TRIM29: variants seen among roughly 807,000 people sequenced by gnomAD.
TRIM29 encodes the protein tripartite motif-containing protein 29.
TRIM29 carries 52 observed loss-of-function variants against 57.3 expected under a neutral mutation model. That is an observed-to-expected ratio of 0.91 (90% CI 0.73 to 1.14). The LOEUF is 1.14. TRIM29 is among the 50% of genes most tolerant of loss of function. TRIM29 has a pLI of 0.00. For missense variants in TRIM29, 753 were observed against 774.6 expected, an observed-to-expected ratio of 0.97 and a Z score of 0.33; for synonymous variants, 319 against 316.9, an observed-to-expected ratio of 1.01 and a Z score of -0.07.
Position 120,125,792 on chromosome 11 carries a change from T to G in TRIM29, c.1232A>C (p.Asn411Thr). Residue 411 changes from asparagine to threonine, a missense_variant, in exon 4 of 9, where the codon AAC (asparagine) becomes ACC (threonine). Transcript: ENST00000341846. ...EGEGLGQSLG[N>T]FKDDLLNVCM... Reference sequence around the variant, plus strand: ...TACATTGAGCAGGTCGTCCTTGAAGTTGCCTAGTGACTGTCCCAGGCCCTC... The same window carrying G: ...TACATTGAGCAGGTCGTCCTTGAAGGTGCCTAGTGACTGTCCCAGGCCCTC... 1 of 1,614,158 alleles carries G rather than the reference T, an allele frequency of 6.2e-7. No homozygotes were observed. Among genetic ancestry groups the G allele is most frequent in the Non-Finnish European group, 8.5e-7 (1 of 1,180,026 alleles).
Position 120,128,409 on chromosome 11 carries a change from G to T in TRIM29, c.891C>A (p.Asp297Glu). ...DEAEKWQKEK[D>E]RIKSFTTNEK... The stretch of plus-strand genomic sequence containing the variant: ...CTTGGGGGCTGCTCACCTTGATGCG[G>T]TCCTTCTCCTTCTGCCACTTCTCAG... The change falls in exon 2 of 9, where the codon GAC becomes GAA. Residue 297 changes from aspartate to glutamate, a missense_variant. By Grantham distance (45) the Asp-to-Glu change is conservative. Coordinates refer to ENST00000341846, the MANE Select transcript of TRIM29 (RefSeq NM_012101.4). 1.2e-6 allele frequency: 2 copies of T among 1,611,908 alleles called. No homozygotes were observed. The highest frequency in any genetic ancestry group is 2.2e-5 in the East Asian group (1 of 44,882).
chr11:120,120,687 C>A (rs1863421476), intron 5 of TRIM29, 22 bp from the exon 6 acceptor site: 1 of 1,610,544 alleles, frequency 6.2e-7, no homozygotes, highest in Non-Finnish European at 8.5e-7. Flanking sequence ...ATGAAGGGGG[C>A]TGTCATTGCA....
At chr11:120,134,963 C>T (rs1055602395) in intron 1 of TRIM29, among the ~76,000 whole-genome samples, 5 of 152,146 alleles carry the variant, frequency 3.3e-5, no homozygotes, top group South Asian at 4.1e-4. Context: ...ACTAGACGGG[C>T]GCTCCCCAGT....
At chr11:120,136,807 AAAG>A (rs1033229746) in intron 1 of TRIM29, among the ~76,000 whole-genome samples, 14 of 152,200 alleles carry the variant, frequency 9.2e-5, no homozygotes, top group South Asian at 6.2e-4. Context: ...AAAAAAAATA[AAAG>A]AAGAAGAAGA....
intron 1 of TRIM29, among the ~76,000 whole-genome samples, chr11:120,136,135 G>A (rs751725595): frequency 3.3e-5 from 5 of 152,034 alleles, no homozygotes; most frequent in Non-Finnish European, 2.9e-5. Context: ...ATCCACAAAG[G>A]CACAAAAACA....
Position 120,112,314 on chromosome 11 carries a change from G to T in TRIM29, c.*100C>A. On this transcript the variant is annotated 3_prime_UTR_variant, in exon 9 of 9. Transcript: ENST00000341846. ...CTGCAGAGGGCAGGTGCAGGACCAGGCTCCCTCCCACCCAGACAAGCACAG... is the reference window on the plus strand; with the variant it reads ...CTGCAGAGGGCAGGTGCAGGACCAGTCTCCCTCCCACCCAGACAAGCACAG... 1 of 1,456,156 alleles carries T rather than the reference G, an allele frequency of 6.9e-7. No homozygotes were observed. Among genetic ancestry groups the T allele is most frequent in the Non-Finnish European group, 9.5e-7 (1 of 1,050,454 alleles). 90.2% of individuals were successfully genotyped at this position (1,456,156 alleles called of 1,614,324 possible). A position where few individuals can be genotyped will look rare whatever the true frequency, so the allele number is the denominator to read the frequency against.
At chr11:120,134,169 A>G (rs1863772459) in intron 1 of TRIM29, among the ~76,000 whole-genome samples, 1 of 152,134 alleles carries the variant, frequency 6.6e-6, no homozygotes, top group Admixed American at 6.5e-5. Flanking sequence ...GGCACTGGAA[A>G]CATGCTGACC....
chr11:120,128,391 G>A lies in TRIM29; in HGVS notation c.900+9C>T. On this transcript the variant is annotated intron_variant, in intron 2 of 8. Coordinates refer to ENST00000341846, the MANE Select transcript of TRIM29 (RefSeq NM_012101.4). The stretch of plus-strand genomic sequence containing the variant: ...AGGGAGCAGCAAGGTGAGCTTGGGG[G>A]CTGCTCACCTTGATGCGGTCCTTCT... The A allele has an allele frequency of 6.2e-7, 1 of 1,609,836 alleles. No individual in the cohort carries two copies. Among genetic ancestry groups the A allele is most frequent in the Non-Finnish European group, 8.5e-7 (1 of 1,179,192 alleles).
At chr11:120,114,796 A>G (rs1018368288) in intron 8 of TRIM29, among the ~76,000 whole-genome samples, 4 of 152,144 alleles carry the variant, frequency 2.6e-5, no homozygotes, top group African/African-American at 7.2e-5. Context: ...CCCCAAAGCC[A>G]TGCTTCCCTG....
chr11:120,126,856 A>G (rs570993465), intron 3 of TRIM29, among the ~76,000 whole-genome samples: 1 of 152,328 alleles, frequency 6.6e-6, no homozygotes, highest in South Asian at 2.1e-4. Flanking sequence ...GGCAGAAACC[A>G]TGTCTTGTAC....
In TRIM29 at chr11:120,127,404, C is replaced by T. The variant is rs2135016106; in HGVS notation, c.1066G>A (p.Val356Met). ...CGGGTCTGCTTGTCCTCATGCAGCA[C>T]CTTGGCTCTCTCATCCAGAGCATCC... ...IMDALDERAK[V>M]LHEDKQTREQ... The change falls in exon 3 of 9, where the codon GTG (valine) becomes ATG (methionine). Residue 356 changes from valine to methionine, a missense_variant. Coordinates refer to ENST00000341846, the MANE Select transcript of TRIM29 (RefSeq NM_012101.4). 4 of 1,614,140 alleles carry T rather than the reference C, an allele frequency of 2.5e-6. No homozygotes were observed. Among genetic ancestry groups the T allele is most frequent in the South Asian group, 1.1e-5 (1 of 91,074 alleles).
rs899346037 is a variant in TRIM29 at position 120,122,853 on chromosome 11, C to A, written c.1435+101G>T. On this transcript the variant is annotated intron_variant, in intron 5 of 8. Coordinates refer to ENST00000341846, the MANE Select transcript of TRIM29 (RefSeq NM_012101.4). ...CCAGGCAAACTGGACATGCCATCACCCCCACTCAGAAGGAACCTGGCTGAG... is the reference window on the plus strand; with the variant it reads ...CCAGGCAAACTGGACATGCCATCACACCCACTCAGAAGGAACCTGGCTGAG... 9 of 888,342 alleles carry A rather than the reference C, an allele frequency of 1.0e-5. 1 individual carries two copies. The highest frequency in any genetic ancestry group is 9.7e-5 in the East Asian group (4 of 41,272). 55.0% of individuals were successfully genotyped at this position (888,342 alleles called of 1,614,324 possible). A position where few individuals can be genotyped will look rare whatever the true frequency, so the allele number is the denominator to read the frequency against.
intron 7 of TRIM29, chr11:120,116,144 G>A (rs572706711): frequency 1.5e-4 from 23 of 152,408 alleles, no homozygotes; most frequent in African/African-American, 4.8e-4. Context: ...CTGTCATTGT[G>A]GCCGCCACCC....
At chr11:120,123,684 C>T (rs1863516395) in intron 4 of TRIM29, 2 of 348,196 alleles carry the variant, frequency 5.7e-6, no homozygotes, top group Non-Finnish European at 1.1e-5. Context: ...CAGCCACCTC[C>T]ACCCCATTCC....
chr11:120,132,300 G>A (rs1272929987), intron 1 of TRIM29, among the ~76,000 whole-genome samples: 1 of 151,964 alleles, frequency 6.6e-6, no homozygotes, highest in Non-Finnish European at 1.5e-5. Flanking sequence ...CTCAGAAAGT[G>A]GTTGAAGGCC....
intron 6 of TRIM29, among the ~76,000 whole-genome samples, chr11:120,120,357 A>G (rs1479118589): frequency 1.6e-4 from 5 of 30,848 alleles, no homozygotes; most frequent in Non-Finnish European, 3.4e-4. Flanking sequence ...ACACACACAC[A>G]CACACACACA....
At chr11:120,129,636 T>C (rs1273477288) in intron 1 of TRIM29, among the ~76,000 whole-genome samples, 3 of 151,698 alleles carry the variant, frequency 2.0e-5, no homozygotes, top group African/African-American at 7.2e-5. Flanking sequence ...GCGGCACACC[T>C]TCTGAACGCC....
chr11:120,126,298 G>A (rs1158917770), intron 3 of TRIM29: 1 of 158,768 alleles, frequency 6.3e-6, no homozygotes, highest in Non-Finnish European at 1.4e-5. Flanking sequence ...CTGTTACCCA[G>A]GCTGAATCTC....
At position 120,115,381 on chromosome 11, in the gene TRIM29, T is replaced by G; in HGVS notation, c.1661A>C (p.Lys554Thr). 6.2e-7 allele frequency: 1 copy of G among 1,613,904 alleles called. No individual in the cohort carries two copies. The highest frequency in any genetic ancestry group is 1.6e-4 in the Middle Eastern group (1 of 6,062). The change falls in exon 8 of 9, where the codon AAG (lysine) becomes ACG (threonine). Residue 554 changes from lysine to threonine, a missense_variant. Transcript: ENST00000341846. The part of the protein sequence containing the change: ...YPSLMRSQSP[K>T]AQPQTWKSGK... ...AGATTTCCAAGTCTGGGGCTGGGCC[T>G]TGGGGCTTTGGCTCCGCATGAGGGA...
Sources: gnomAD v4.1 joint callset for allele counts (sites outside exome capture counted in the v4.1 genomes callset) on GRCh38, gnomAD v4.1.1 for gene constraint, MANE v1.5 for transcripts, NCBI Gene and HGNC (gene_info 2026-07-23, HGNC 2026-07-21) for gene names.